SLC40A1: variants seen among roughly 807,000 people sequenced by gnomAD.
The protein encoded by SLC40A1 is ferroportin.
Under a neutral mutation model 53.5 loss-of-function variants are expected in SLC40A1, and 16 were observed. The observed-to-expected ratio is 0.30, with a 90% CI of 0.20 to 0.45. The LOEUF (loss-of-function observed/expected upper bound fraction) is 0.45. SLC40A1 is among the 20% of genes least tolerant of loss of function. SLC40A1 has a pLI of 1.00. For synonymous variants in SLC40A1, 247 were observed against 253.2 expected, an observed-to-expected ratio of 0.98 and a Z score of 0.23; for missense variants, 545 against 695.4, an observed-to-expected ratio of 0.78 and a Z score of 2.43.
chr2:189,566,808 G>A (rs1272645019), intron 5 of SLC40A1, among the ~76,000 whole-genome samples: 4 of 152,320 alleles, frequency 2.6e-5, no homozygotes, highest in Middle Eastern at 6.8e-3. Context: ...ACTTGAACAT[G>A]TGATGAGAGA....
chr2:189,577,246 T>C (rs1374359497), intron 2 of SLC40A1, among the ~76,000 whole-genome samples: 1 of 152,202 alleles, frequency 6.6e-6, no homozygotes, highest in African/African-American at 2.4e-5. Flanking sequence ...GTGGCTACTA[T>C]GTACCCGACA....
chr2:189,565,704 A>T (rs2030919090), intron 5 of SLC40A1, 105 bp from the exon 6 acceptor site: 2 of 1,497,692 alleles, frequency 1.3e-6, no homozygotes, highest in East Asian at 2.3e-5. Context: ...GATTCCTAAA[A>T]TGTGGTTTTC....
intron 5 of SLC40A1, among the ~76,000 whole-genome samples, chr2:189,570,697 G>T (rs185559235): frequency 1.3e-5 from 2 of 152,170 alleles, no homozygotes; most frequent in East Asian, 3.9e-4. Context: ...TCTTCTTCTA[G>T]ACCTTCCACA....
chr2:189,564,088 C>A lies in SLC40A1; in HGVS notation c.898G>T (p.Val300Phe), dbSNP rs1448569115. ...AACACAGGCTGGTTGTAGTAGGAGA[C>A]CCATCCATCTCGGAAGGTACGGAAG... ...EPFRTFRDGW[V>F]SYYNQPVFLA... The change falls in exon 7 of 8, where the codon GTC (valine) becomes TTC (phenylalanine). Residue 300 changes from valine (V) to phenylalanine (F), a missense_variant. By Grantham distance (50) the Val-to-Phe change is conservative. Around this residue, in one of 4 missense-constraint regions of SLC40A1, gnomAD observed 107 missense variants for 91.0 expected, o/e 1.18. Coordinates refer to ENST00000261024, the MANE Select transcript of SLC40A1 (RefSeq NM_014585.6). The A allele has an allele frequency of 6.2e-7, 1 of 1,610,776 alleles. No homozygotes were observed. The highest frequency in any genetic ancestry group is 8.5e-7 in the Non-Finnish European group (1 of 1,177,812).
chr2:189,580,219 C>T lies in SLC40A1; in HGVS notation c.43+199G>A, dbSNP rs139060815. Among the ~76,000 whole-genome samples the T allele has an allele frequency of 2.1e-3, 323 of 152,276 alleles. 3 individuals carry two copies. The highest frequency in any genetic ancestry group is 0.014 in the East Asian group (71 of 5,184). ...ATCCAAACTGCCCAATCTACTCCAT[C>T]CGTGCCTGTGTGCAAACCCCTTTTC... is the stretch of plus-strand genomic sequence containing the variant. On this transcript the variant is annotated intron_variant, in intron 1 of 7. Coordinates refer to ENST00000261024, the MANE Select transcript of SLC40A1 (RefSeq NM_014585.6).
chr2:189,578,843 C>A (rs1157760609), intron 2 of SLC40A1, among the ~76,000 whole-genome samples: 1 of 152,282 alleles, frequency 6.6e-6, no homozygotes, highest in Non-Finnish European at 1.5e-5. Context: ...TGTAGCTTAA[C>A]AATTTCTCAA....
At position 189,564,160 on chromosome 2, in the gene SLC40A1, G is replaced by C. The variant is rs1466676170; in HGVS notation, c.826C>G (p.Leu276Val). 6.2e-7 allele frequency: 1 copy of C among 1,613,304 alleles called. No individual in the cohort carries two copies. The highest frequency in any genetic ancestry group is 2.2e-5 in the East Asian group (1 of 44,880). ...CAAGTAGGCTCTTGCTCATGTTCAA[G>C]CTCATGGATGTTAGAGTCTTTCACA... ...MGVKDSNIHE[L>V]EHEQEPTCAS... Residue 276 changes from leucine to valine, a missense_variant, in exon 7 of 8, where the codon CTT becomes GTT. Physicochemically the swap from Leu to Val is conservative, Grantham distance 32. Transcript: ENST00000261024.
chr2:189,575,421 A>G, intron 2 of SLC40A1, 101 bp from the exon 3 acceptor site: 1 of 1,092,550 alleles, frequency 9.2e-7, no homozygotes, highest in Non-Finnish European at 1.4e-6. Context: ...TCCTGGCTAC[A>G]TTATGAGACT....
In SLC40A1 at chr2:189,563,799, C is replaced by T; in HGVS notation, c.1187G>A (p.Ser396Asn). 1 of 1,614,144 alleles carries T rather than the reference C, an allele frequency of 6.2e-7. No individual in the cohort carries two copies. Among genetic ancestry groups the T allele is most frequent in the Non-Finnish European group, 8.5e-7 (1 of 1,180,026 alleles). ...AGGAGAAACGGACAAGTCCAGGGGGCTTCCAGGCATGAATACAGAGATCAC... is the reference window on the plus strand; with the variant it reads ...AGGAGAAACGGACAAGTCCAGGGGGTTTCCAGGCATGAATACAGAGATCAC... Reference protein sequence around the residue: ...LCVISVFMPGSPLDLSVSPFE... With the variant: ...LCVISVFMPGNPLDLSVSPFE... The change falls in exon 7 of 8, where the codon AGC becomes AAC. Residue 396 changes from serine to asparagine, a missense_variant. By Grantham distance (46) the Ser-to-Asn change is conservative (BLOSUM62 1). This residue lies in a region of SLC40A1 where 234 missense variants were observed against 299.0 expected (regional missense o/e 0.78). Transcript: ENST00000261024.
At position 189,580,743 on chromosome 2, in the gene SLC40A1, C is replaced by G; in HGVS notation, c.-283G>C. 7.4e-7 allele frequency: 1 copy of G among 1,343,398 alleles called. No individual in the cohort carries two copies. The highest frequency in any genetic ancestry group is 9.6e-7 in the Non-Finnish European group (1 of 1,044,662). The allele number at this position is 1,343,398 out of a possible 1,614,324, so 83.2% of individuals were successfully genotyped here. The stretch of plus-strand genomic sequence containing the variant: ...GGGAGGCTCAGCAGGTCGTCCGAGC[C>G]TAGCGGACGCCCTGAGCCAGCTCTC... On this transcript the variant is annotated 5_prime_UTR_variant, in exon 1 of 8. Coordinates refer to ENST00000261024, the MANE Select transcript of SLC40A1 (RefSeq NM_014585.6).
At chr2:189,576,672 A>T (rs2031294951) in intron 2 of SLC40A1, among the ~76,000 whole-genome samples, 2 of 152,176 alleles carry the variant, frequency 1.3e-5, no homozygotes, top group African/African-American at 4.8e-5. Context: ...GGGAGAGGGG[A>T]GATACTTTAT....
chr2:189,565,856 G>C (rs1377428045), intron 5 of SLC40A1, among the ~76,000 whole-genome samples: 1 of 152,172 alleles, frequency 6.6e-6, no homozygotes, highest in African/African-American at 2.4e-5. Flanking sequence ...GAATACAGCA[G>C]TGACTCTACA....
At chr2:189,575,874 T>C (rs956829583) in intron 2 of SLC40A1, among the ~76,000 whole-genome samples, 1 of 152,192 alleles carries the variant, frequency 6.6e-6, no homozygotes, top group Non-Finnish European at 1.5e-5. Context: ...AAAGTCATAA[T>C]TCGAAAGTCA....
At chr2:189,579,097 TTTA>T (rs1343807688) in intron 2 of SLC40A1, among the ~76,000 whole-genome samples, 3 of 152,168 alleles carry the variant, frequency 2.0e-5, no homozygotes, top group Non-Finnish European at 4.4e-5. Context: ...ACCCTTCTAG[TTTA>T]TTATTTTTCG....
At chr2:189,564,750 G>A (rs1559010780) in intron 6 of SLC40A1, among the ~76,000 whole-genome samples, 1 of 152,180 alleles carries the variant, frequency 6.6e-6, no homozygotes, top group Non-Finnish European at 1.5e-5. Flanking sequence ...TGAGGCAGGA[G>A]AATGGCGTGA....
At chr2:189,575,347 AT>A (rs769412156) in intron 2 of SLC40A1, 27 bp from the exon 3 acceptor site, 37 of 1,613,368 alleles carry the variant, frequency 2.3e-5, no homozygotes, top group Admixed American at 3.3e-5. Flanking sequence ...AAATGTTTTG[AT>A]GGAATATTTT....
chr2:189,577,253 G>A (rs1439810057), intron 2 of SLC40A1, among the ~76,000 whole-genome samples: 2 of 152,136 alleles, frequency 1.3e-5, no homozygotes, highest in East Asian at 3.9e-4. Context: ...CTATGTACCC[G>A]ACATTTGCAA....
At position 189,571,845 on chromosome 2, in the gene SLC40A1, A is replaced by C. The variant is rs769301138; in HGVS notation, c.388-4T>G. The C allele has an allele frequency of 1.3e-6, 2 of 1,584,964 alleles. No individual in the cohort carries two copies. The highest frequency in any genetic ancestry group is 1.7e-6 in the Non-Finnish European group (2 of 1,153,598). On this transcript the variant is annotated splice_polypyrimidine_tract_variant and splice_region_variant and intron_variant, in intron 4 of 7. Coordinates refer to ENST00000261024, the MANE Select transcript of SLC40A1 (RefSeq NM_014585.6). ...TGATCAGGATATAGCAGGAAGTCTA[A>C]AGAATGACAAGAAAAAAATGAGTTA...
At position 189,579,840 on chromosome 2, in the gene SLC40A1, G is replaced by A. The variant is rs2031399121; in HGVS notation, c.84C>T (p.Leu28=). The change falls in exon 2 of 8, where the codon CTC becomes CTT. Residue 28 remains leucine (L), a synonymous_variant. Coordinates refer to ENST00000261024, the MANE Select transcript of SLC40A1 (RefSeq NM_014585.6). ...AAGTAGAGAGAGAATGACCAAGGTA[G>A]AGAAGGAATTTTGCAGAGGTCAGGT... ...ADYLTSAKFL[L]YLGHSLSTWG... 6.2e-7 allele frequency: 1 copy of A among 1,614,204 alleles called. No homozygotes were observed. The highest frequency in any genetic ancestry group is 8.5e-7 in the Non-Finnish European group (1 of 1,180,018).
Sources: gnomAD v4.1 joint callset for allele counts (sites outside exome capture counted in the v4.1 genomes callset) on GRCh38, gnomAD v4.1.1 for gene constraint, gnomAD v4.1.1 regional missense constraint, MANE v1.5 for transcripts, NCBI Gene and HGNC (gene_info 2026-07-23, HGNC 2026-07-21) for gene names.